The following CUL3 variants were observed in gnomAD, a reference collection of about 807,000 sequenced individuals.
CUL3 encodes the protein cullin-3.
CUL3 carries 19 observed loss-of-function variants against 89.1 expected under a neutral mutation model. That is an observed-to-expected ratio of 0.21 (90% CI 0.15 to 0.31). The LOEUF (loss-of-function observed/expected upper bound fraction) is 0.31, where lower values mean the gene tolerates loss of function less well. Among genes scored for constraint, CUL3 ranks in the 10% least tolerant of loss-of-function variants. CUL3 has a pLI of 1.00. For synonymous variants in CUL3, 351 were observed against 308.4 expected, an observed-to-expected ratio of 1.14 and a Z score of -1.45; for missense variants, 469 against 942.3, an observed-to-expected ratio of 0.50 and a Z score of 6.58.
intron 3 of CUL3, among the ~76,000 whole-genome samples, chr2:224,532,066 C>T (rs1036309519): frequency 6.6e-6 from 1 of 152,130 alleles, no homozygotes; most frequent in Non-Finnish European, 1.5e-5. Context: ...TAGTGATTAT[C>T]AACTGAATGA....
intron 7 of CUL3, 139 bp downstream of exon 7, chr2:224,506,719 A>G: frequency 1.4e-6 from 1 of 721,996 alleles, no homozygotes; most frequent in Non-Finnish European, 2.1e-6. Context: ...TAAAATATGT[A>G]GGATAATTAC....
intron 13 of CUL3, among the ~76,000 whole-genome samples, chr2:224,489,320 CTGTT>C (rs1442181674): frequency 9.2e-5 from 14 of 152,212 alleles, no homozygotes; most frequent in African/African-American, 3.4e-4. Flanking sequence ...CAAATTGTCT[CTGTT>C]TGCAGATTAC....
At chr2:224,514,980 T>C (rs910517772) in intron 3 of CUL3, among the ~76,000 whole-genome samples, 3 of 152,106 alleles carry the variant, frequency 2.0e-5, no homozygotes, top group Admixed American at 6.6e-5. Context: ...TGGCTATAAA[T>C]GGTGGCCCAT....
intron 2 of CUL3, among the ~76,000 whole-genome samples, chr2:224,540,815 C>T (rs1694075456): frequency 6.6e-6 from 1 of 152,160 alleles, no homozygotes; most frequent in Non-Finnish European, 1.5e-5. Context: ...CCCCTCACCT[C>T]CCATCCTCCA....
At chr2:224,526,459 G>C (rs1037034636) in intron 3 of CUL3, among the ~76,000 whole-genome samples, 2 of 151,670 alleles carry the variant, frequency 1.3e-5, no homozygotes, top group Non-Finnish European at 2.9e-5. Flanking sequence ...GGTGGTGGGC[G>C]CCTGTAATCC....
intron 1 of CUL3, among the ~76,000 whole-genome samples, chr2:224,573,394 T>C (rs530615252): frequency 1.3e-5 from 2 of 152,384 alleles, no homozygotes; most frequent in South Asian, 4.1e-4. Flanking sequence ...TGCTTTTGAC[T>C]GCTTTATTCA....
In CUL3 at chr2:224,474,062, C is replaced by A; in HGVS notation, c.*183G>T. 1 of 517,012 alleles carries A rather than the reference C, an allele frequency of 1.9e-6. No individual in the cohort carries two copies. Among genetic ancestry groups the A allele is most frequent in the Non-Finnish European group, 3.3e-6 (1 of 302,452 alleles). The allele number at this position is 517,012 out of a possible 1,614,324, so 32.0% of individuals were successfully genotyped here. A position where few individuals can be genotyped will look rare whatever the true frequency, so the allele number is the denominator to read the frequency against. The stretch of plus-strand genomic sequence containing the variant: ...TCTACAGGGATAAACGTTGTAAAGC[C>A]TGAAGCTCAATCAACTGATGTTGGA... On this transcript the variant is annotated 3_prime_UTR_variant, in exon 16 of 16. Coordinates refer to ENST00000264414, the MANE Select transcript of CUL3 (RefSeq NM_003590.5).
intron 2 of CUL3, among the ~76,000 whole-genome samples, chr2:224,541,151 CACT>C (rs1251742490): frequency 2.0e-5 from 3 of 150,588 alleles, no homozygotes; most frequent in Non-Finnish European, 3.0e-5. Flanking sequence ...CTGTAGACAC[CACT>C]GAGACAGTAA....
At chr2:224,549,538 T>C (rs1264949956) in intron 2 of CUL3, among the ~76,000 whole-genome samples, 1 of 152,172 alleles carries the variant, frequency 6.6e-6, no homozygotes, top group African/African-American at 2.4e-5. Context: ...TAGTAATTTG[T>C]TCAAGATTAT....
At chr2:224,584,260 C>A (rs890813066) in intron 1 of CUL3, among the ~76,000 whole-genome samples, 3 of 150,160 alleles carry the variant, frequency 2.0e-5, no homozygotes, top group East Asian at 3.9e-4. Context: ...AACCAATTGG[C>A]CGGTTTGCTC....
chr2:224,584,837 G>C, intron 1 of CUL3, 107 bp downstream of exon 1: 1 of 697,098 alleles, frequency 1.4e-6, no homozygotes, highest in Non-Finnish European at 1.9e-6. Flanking sequence ...GCGTGGGGGA[G>C]GGGAGGCCGG....
chr2:224,529,639 AT>A (rs1303913799), intron 3 of CUL3, among the ~76,000 whole-genome samples: 1 of 152,022 alleles, frequency 6.6e-6, no homozygotes, highest in Non-Finnish European at 1.5e-5. Context: ...AATGAATCAA[AT>A]TAACGTATGT....
intron 15 of CUL3, among the ~76,000 whole-genome samples, chr2:224,476,317 C>T (rs1228248060): frequency 1.3e-5 from 2 of 152,236 alleles, no homozygotes; most frequent in East Asian, 1.9e-4. Flanking sequence ...GCGAGTCACA[C>T]GCATTTATGT....
At chr2:224,537,977 C>T (rs772671526) in intron 2 of CUL3, among the ~76,000 whole-genome samples, 1 of 152,114 alleles carries the variant, frequency 6.6e-6, no homozygotes, top group Non-Finnish European at 1.5e-5. Context: ...ACATATTTGT[C>T]ATCATATTTA....
intron 1 of CUL3, among the ~76,000 whole-genome samples, chr2:224,581,566 G>C (rs574917589): frequency 6.7e-6 from 1 of 148,226 alleles, no homozygotes; most frequent in African/African-American, 2.5e-5. Flanking sequence ...GCAGTGGCAC[G>C]ATCTTGGCTC....
rs1468503496 is a variant in CUL3 at position 224,473,659 on chromosome 2, T to C, written c.*586A>G. Reference sequence around the variant, plus strand: ...TACTTGAGCCCAAAACAAAGGTTCCTGGTCATAAGGCTAGAAGATGAGTAA... The same window carrying C: ...TACTTGAGCCCAAAACAAAGGTTCCCGGTCATAAGGCTAGAAGATGAGTAA... On this transcript the variant is annotated 3_prime_UTR_variant, in exon 16 of 16. Coordinates refer to ENST00000264414, the MANE Select transcript of CUL3 (RefSeq NM_003590.5). 1.6e-5 allele frequency: 3 copies of C among 185,328 alleles called. No individual in the cohort carries two copies. Among genetic ancestry groups the C allele is most frequent in the Admixed American group, 1.2e-4 (2 of 16,048 alleles). The allele number at this position is 185,328 out of a possible 1,614,324, so 11.5% of individuals were successfully genotyped here.
At chr2:224,520,112 A>AT (rs1452298006) in intron 3 of CUL3, among the ~76,000 whole-genome samples, 15 of 152,244 alleles carry the variant, frequency 9.9e-5, no homozygotes. Flanking sequence ...AAAAACAGGC[A>AT]TTTTAAATAT....
intron 2 of CUL3, among the ~76,000 whole-genome samples, chr2:224,549,199 C>T (rs1694416161): frequency 2.0e-5 from 3 of 151,994 alleles, no homozygotes; most frequent in Admixed American, 2.0e-4. Context: ...CGCCTGTAAT[C>T]CCAGCTACTC....
At chr2:224,480,336 T>C (rs1691488515) in intron 14 of CUL3, among the ~76,000 whole-genome samples, 4 of 152,180 alleles carry the variant, frequency 2.6e-5, no homozygotes, top group Non-Finnish European at 5.9e-5. Flanking sequence ...GTGGTCACAA[T>C]ATTTACCACC....
Sources: gnomAD v4.1 joint callset for allele counts (sites outside exome capture counted in the v4.1 genomes callset) on GRCh38, gnomAD v4.1.1 for gene constraint, MANE v1.5 for transcripts, NCBI Gene and HGNC (gene_info 2026-07-23, HGNC 2026-07-21) for gene names.